Variants in COXFA4L2 observed in about 807,000 individuals in gnomAD.
COXFA4L2 encodes NADH dehydrogenase (ubiquinone) 1 alpha subcomplex, 4-like 2.
At chr12:57,236,515 A>T in the COXFA4L2 span, 1 of 1,244,318 alleles carries the variant, frequency 8.0e-7, no homozygotes, top group Non-Finnish European at 1.1e-6. Flanking sequence ...AGGGCACGGG[A>T]TCCCCACTAG....
chr12:57,236,892 G>A, the COXFA4L2 span: 11 of 1,254,784 alleles, frequency 8.8e-6, no homozygotes, highest in East Asian at 4.6e-5. Flanking sequence ...GGGACGTTTC[G>A]GAGAGAGACT....
chr12:57,236,500 G>T, the COXFA4L2 span: 1 of 1,081,030 alleles, frequency 9.3e-7, no homozygotes, highest in Non-Finnish European at 1.3e-6. Flanking sequence ...GAAGGTGCAT[G>T]CAGCAGGGCA....
the COXFA4L2 span, chr12:57,235,642 T>C: frequency 6.2e-7 from 1 of 1,613,828 alleles, no homozygotes; most frequent in Non-Finnish European, 8.5e-7. Context: ...GGAAAGGGGG[T>C]TGCGCTGAGT....
chr12:57,237,020 A>G, the COXFA4L2 span: 17 of 1,614,046 alleles, frequency 1.1e-5, no homozygotes, highest in Non-Finnish European at 1.4e-5. Flanking sequence ...TGAGGTTCTG[A>G]GGACTCACCC....
the COXFA4L2 span, chr12:57,237,402 G>T: frequency 1.6e-6 from 2 of 1,276,176 alleles, no homozygotes; most frequent in Non-Finnish European, 2.0e-6. Context: ...AGTGGCATAG[G>T]ACCCCATAAG....
chr12:57,236,684 G>A, the COXFA4L2 span: 14 of 1,558,830 alleles, frequency 9.0e-6, no homozygotes, highest in Admixed American at 2.0e-5. Flanking sequence ...GGGATGATCT[G>A]CGGGGAAGAG....
At chr12:57,238,167 G>GGGC in the COXFA4L2 span, among the ~76,000 whole-genome samples, 45 of 152,288 alleles carry the variant, frequency 3.0e-4, 1 homozygote, top group Admixed American at 2.5e-3. This position sits in a 1 kb window ranked among gnomAD's most constrained non-coding sequence, Gnocchi z 6.8. Flanking sequence ...TGGAGGGCGC[G>GGGC]GGCGGGAGCG....
the COXFA4L2 span, chr12:57,235,820 G>A: frequency 2.2e-5 from 34 of 1,528,284 alleles, 1 homozygote; most frequent in Middle Eastern, 5.3e-4. Context: ...CTGTGGAGCA[G>A]GAGGGGGGAG....
the COXFA4L2 span, among the ~76,000 whole-genome samples, chr12:57,239,160 A>G: frequency 6.6e-6 from 1 of 152,234 alleles, no homozygotes; most frequent in Non-Finnish European, 1.5e-5. The surrounding 1 kb of genome is among the most constrained non-coding windows in gnomAD (Gnocchi z 5.5). Context: ...CTGGCTGCAC[A>G]GAGGGTCAAA....
At chr12:57,239,179 G>A in the COXFA4L2 span, among the ~76,000 whole-genome samples, 1 of 152,222 alleles carries the variant, frequency 6.6e-6, no homozygotes. This position sits in a 1 kb window ranked among gnomAD's most constrained non-coding sequence, Gnocchi z 5.5. Context: ...AAGGCAGCGG[G>A]ACTCAGCGGA....
the COXFA4L2 span, chr12:57,239,693 C>G: frequency 6.5e-6 from 1 of 153,490 alleles, no homozygotes; most frequent in Admixed American, 6.5e-5. The surrounding 1 kb of genome is among the most constrained non-coding windows in gnomAD (Gnocchi z 5.5). Context: ...GTCCATCTCT[C>G]TCTTCCCTAT....
the COXFA4L2 span, among the ~76,000 whole-genome samples, chr12:57,239,090 C>T: frequency 6.6e-6 from 1 of 152,236 alleles, no homozygotes; most frequent in African/African-American, 2.4e-5. This position sits in a 1 kb window ranked among gnomAD's most constrained non-coding sequence, Gnocchi z 5.5. Flanking sequence ...AGGCACGGCC[C>T]GGGATCCCGC....
chr12:57,235,999 CAAG>C, the COXFA4L2 span, among the ~76,000 whole-genome samples: 5 of 152,192 alleles, frequency 3.3e-5, no homozygotes, highest in Non-Finnish European at 5.9e-5. Context: ...ACAAGTGAGA[CAAG>C]AAGCCTGTCA....
chr12:57,235,389 G>T, the COXFA4L2 span: 1 of 714,862 alleles, frequency 1.4e-6, no homozygotes, highest in Admixed American at 2.2e-5. Flanking sequence ...GCTGCTGGGA[G>T]CAAGGGAGGA....
chr12:57,240,719 G>A, the COXFA4L2 span: 3 of 985,506 alleles, frequency 3.0e-6, no homozygotes, highest in Non-Finnish European at 3.6e-6. Context: ...CTCCCCGCTG[G>A]CTCTTCCTGA....
At chr12:57,236,471 G>C in the COXFA4L2 span, 1 of 803,560 alleles carries the variant, frequency 1.2e-6, no homozygotes, top group South Asian at 2.1e-5. Flanking sequence ...CCAGCCCTGA[G>C]ATGCCGGTCG....
At chr12:57,236,553 T>G in the COXFA4L2 span, 143 of 1,506,572 alleles carry the variant, frequency 9.5e-5, no homozygotes, top group Non-Finnish European at 1.2e-4. Context: ...CCATCTTGCC[T>G]CACCCAGGCC....
chr12:57,236,675 G>A, the COXFA4L2 span: 13 of 1,565,194 alleles, frequency 8.3e-6, no homozygotes, highest in Non-Finnish European at 1.1e-5. Flanking sequence ...CCGATCATCG[G>A]GATGATCTGC....
the COXFA4L2 span, chr12:57,240,751 G>A: frequency 1.0e-6 from 1 of 985,400 alleles, no homozygotes; most frequent in East Asian, 1.1e-4. Context: ...ACACAGACCT[G>A]CAGGCGGAGA....
Sources: gnomAD v4.1 joint callset for allele counts (sites outside exome capture counted in the v4.1 genomes callset) on GRCh38, gnomAD v4.1.1 for gene constraint, Gnocchi (gnomAD v3.1) non-coding constraint, MANE v1.5 for transcripts, NCBI Gene and HGNC (gene_info 2026-07-23, HGNC 2026-07-21) for gene names.